The following SDK2 variants were observed in gnomAD, a reference collection of about 807,000 sequenced individuals.
SDK2 encodes the protein sidekick cell adhesion molecule 2.
In SDK2, 105 loss-of-function variants were observed where a neutral mutation model predicts 253.9. That is an observed-to-expected ratio of 0.41 (90% confidence interval 0.35 to 0.49). The LOEUF (loss-of-function observed/expected upper bound fraction) is 0.49. Ranked by LOEUF, SDK2 falls within the 20% of genes least tolerant of loss-of-function variation. The pLI, the probability that SDK2 is intolerant of heterozygous loss-of-function variation, is 0.06. For synonymous variants in SDK2, 1,249 were observed against 1,234.9 expected (o/e 1.01, Z -0.24); for missense variants, 2,608 against 3,003.0 (o/e 0.87, Z 3.07).
chr17:73,578,824 C>A (rs995714643), intron 1 of SDK2, among the ~76,000 whole-genome samples: 3 of 152,170 alleles, frequency 2.0e-5, no homozygotes, highest in Non-Finnish European at 4.4e-5. Context: ...TCTAGGCCGA[C>A]CCCACTTCCC....
chr17:73,394,872 G>A (rs2062957347), intron 25 of SDK2, among the ~76,000 whole-genome samples: 1 of 152,212 alleles, frequency 6.6e-6, no homozygotes, highest in South Asian at 2.1e-4. Context: ...CTGAGGGCAG[G>A]AGAGTGGGCA....
intron 1 of SDK2, among the ~76,000 whole-genome samples, chr17:73,514,897 G>A (rs1021359228): frequency 6.6e-6 from 1 of 152,162 alleles, no homozygotes; most frequent in East Asian, 1.9e-4. Context: ...GTGGAAACCT[G>A]TGCTCCTTAC....
intron 2 of SDK2, among the ~76,000 whole-genome samples, chr17:73,477,827 TC>T (rs2063696760): frequency 1.3e-5 from 2 of 152,146 alleles, no homozygotes; most frequent in African/African-American, 4.8e-5. Context: ...GGAACCTGGC[TC>T]CTCCAGGGAT....
intron 5 of SDK2, among the ~76,000 whole-genome samples, chr17:73,445,163 A>C (rs996031870): frequency 2.6e-5 from 4 of 152,242 alleles, no homozygotes; most frequent in Non-Finnish European, 5.9e-5. Flanking sequence ...CGTAAAATAC[A>C]CAAGGATTTC....
At chr17:73,627,430 C>T (rs961814886) in intron 1 of SDK2, among the ~76,000 whole-genome samples, 2 of 152,198 alleles carry the variant, frequency 1.3e-5, no homozygotes, top group African/African-American at 4.8e-5. Context: ...ACGCCTCCTT[C>T]CATGTGAGTT....
At chr17:73,357,495 T>C (rs1480209668) in intron 40 of SDK2, 5 of 193,070 alleles carry the variant, frequency 2.6e-5, no homozygotes, top group African/African-American at 9.6e-5. Context: ...GAGCTGGCAG[T>C]GGCTGCAAGC....
intron 40 of SDK2, among the ~76,000 whole-genome samples, chr17:73,356,386 C>A (rs755595473): frequency 7.9e-5 from 12 of 152,138 alleles, no homozygotes; most frequent in Non-Finnish European, 1.5e-4. Context: ...GCCGCCAGCC[C>A]CGGGAGTTGG....
In SDK2 at chr17:73,511,340, GCA is replaced by G. The variant is rs1368949580; in HGVS notation, c.65-3745_65-3744del. Among the ~76,000 whole-genome samples, 1 of 152,190 alleles carries G rather than the reference GCA, an allele frequency of 6.6e-6. No individual in the cohort carries two copies. Among genetic ancestry groups the G allele is most frequent in the Non-Finnish European group, 1.5e-5 (1 of 68,024 alleles). ...CATGCACACATGTGCATATGTGTGA[GCA>G]CACACACACGCGCGAGCACGCACAC... On this transcript the variant is annotated intron_variant, in intron 1 of 44. Transcript: ENST00000392650. The surrounding 1 kb of genome is among the most constrained non-coding windows in gnomAD (Gnocchi z 4.9).
rs75361758 is a variant in SDK2, at chr17:73,629,025, G to A, written c.64+15000C>T. ...ATTCCTACGTGGGGGATGGTGCCAAGGAGGGTCCAGAGAACTCAGTCCTGC... is the reference window on the plus strand; with the variant it reads ...ATTCCTACGTGGGGGATGGTGCCAAAGAGGGTCCAGAGAACTCAGTCCTGC... On this transcript the variant is annotated intron_variant, in intron 1 of 44. Transcript: ENST00000392650. This position sits in a 1 kb window ranked among gnomAD's most constrained non-coding sequence, Gnocchi z 5.0. Among the ~76,000 whole-genome samples, 1,297 of 152,272 alleles carry A rather than the reference G, an allele frequency of 8.5e-3. 19 individuals carry two copies. Among genetic ancestry groups the A allele is most frequent in the African/African-American group, 0.03 (1,228 of 41,540 alleles).
chr17:73,582,862 C>T (rs1424156563), intron 1 of SDK2, among the ~76,000 whole-genome samples: 1 of 152,180 alleles, frequency 6.6e-6, no homozygotes, highest in African/African-American at 2.4e-5. Context: ...GTGGTCAGGA[C>T]TCACGTCTCG....
chr17:73,367,384 C>A (rs763838452), intron 37 of SDK2, among the ~76,000 whole-genome samples: 2 of 152,234 alleles, frequency 1.3e-5, no homozygotes, highest in Non-Finnish European at 2.9e-5. Context: ...AGCCACCTGG[C>A]TTTCTCTGCG....
chr17:73,415,220 G>A (rs1182091547), intron 17 of SDK2, among the ~76,000 whole-genome samples: 2 of 152,174 alleles, frequency 1.3e-5, no homozygotes, highest in Non-Finnish European at 2.9e-5. Context: ...AATAGTAGGG[G>A]CCTGGTGAGA....
chr17:73,366,325 CAA>C (rs1266686559), intron 37 of SDK2, among the ~76,000 whole-genome samples: 2 of 152,132 alleles, frequency 1.3e-5, no homozygotes, highest in East Asian at 3.9e-4. Context: ...ATGGCACTGA[CAA>C]AAGAGTGGCC....
chr17:73,509,908 A>AAAAAAAAAAAAAAAAAAAAAAAAAAAC, intron 1 of SDK2, among the ~76,000 whole-genome samples: 1 of 142,678 alleles, frequency 7.0e-6, no homozygotes, highest in Non-Finnish European at 1.5e-5. Context: ...TCTACAAAAA[A>AAAAAAAAAAAAAAAAAAAAAAAAAAAC]AAAAAAAAAA....
In SDK2 at chr17:73,352,766, A is replaced by G. The variant is rs1328384060; in HGVS notation, c.5594-129T>C. The G allele has an allele frequency of 8.5e-6, 8 of 936,568 alleles. No individual in the cohort carries two copies. The East Asian group carries it at 2.1e-4, about 25-fold the overall frequency. The allele number at this position is 936,568 out of a possible 1,614,324, so 58.0% of individuals were successfully genotyped here. On this transcript the variant is annotated intron_variant, in intron 40 of 44. Transcript: ENST00000392650. The surrounding 1 kb of genome is among the most constrained non-coding windows in gnomAD (Gnocchi z 4.1). ...TCCTCCCTGCTCCACACTGAATCGCAGGCCTTGGTCCTCCCTTGAAGTTTC... is the reference window on the plus strand; with the variant it reads ...TCCTCCCTGCTCCACACTGAATCGCGGGCCTTGGTCCTCCCTTGAAGTTTC...
At chr17:73,564,995 A>T (rs758159078) in intron 1 of SDK2, among the ~76,000 whole-genome samples, 6 of 152,186 alleles carry the variant, frequency 3.9e-5, no homozygotes, top group Non-Finnish European at 8.8e-5. Context: ...CTGACACTAG[A>T]GGGAAGTCAA....
At chr17:73,579,361 G>A (rs1567853676) in intron 1 of SDK2, among the ~76,000 whole-genome samples, 1 of 152,286 alleles carries the variant, frequency 6.6e-6, no homozygotes, top group South Asian at 2.1e-4. Context: ...ATGGGGCACT[G>A]CTTTCCAGAA....
In SDK2 at chr17:73,402,135, C is replaced by A. The variant is rs750764539; in HGVS notation, c.2491G>T (p.Ala831Ser). 5.5e-5 allele frequency: 89 copies of A among 1,612,816 alleles called. No homozygotes were observed. The East Asian group carries it at 1.5e-3, about 28-fold the overall frequency. Residue 831 changes from alanine (A) to serine (S), a missense_variant, in exon 19 of 45, where the codon GCC (alanine) becomes TCC (serine). Transcript: ENST00000392650. ...NGINQGYKLI[A>S]WEPEQEEEVT... The stretch of plus-strand genomic sequence containing the variant: ...TCCTCTTCCTGTTCCGGCTCCCAGG[C>A]GATCAGCTGCGGAGAGGCGAGCAAG...
At position 73,363,666 on chromosome 17, in the gene SDK2, G is replaced by T. The variant is rs367900968; in HGVS notation, c.5305+1592C>A. 7.7e-4 allele frequency among the ~76,000 whole-genome samples: 117 copies of T among 152,278 alleles called. No individual in the cohort carries two copies. The Middle Eastern group carries it at 0.01, about 13-fold the overall frequency. On this transcript the variant is annotated intron_variant, in intron 38 of 44. Coordinates refer to ENST00000392650, the MANE Select transcript of SDK2 (RefSeq NM_001144952.2). ...TTAACTGAACTATTATGGGAAGATG[G>T]GAATGTGTAGGGGTGTGGAGTTGAG...
Sources: gnomAD v4.1 joint callset for allele counts (sites outside exome capture counted in the v4.1 genomes callset) on GRCh38, gnomAD v4.1.1 for gene constraint, Gnocchi (gnomAD v3.1) non-coding constraint, MANE v1.5 for transcripts, NCBI Gene and HGNC (gene_info 2026-07-23, HGNC 2026-07-21) for gene names.